The following OTULINL variants were observed in gnomAD, a reference collection of about 807,000 sequenced individuals.
OTULINL encodes OTU deubiquitinase with linear linkage specificity like.
OTULINL carries 42 observed loss-of-function variants against 43.9 expected under a neutral mutation model. That is an observed-to-expected ratio of 0.96 (90% CI 0.75 to 1.24). The LOEUF (loss-of-function observed/expected upper bound fraction) is 1.24. OTULINL is among the 50% of genes most tolerant of loss of function. The pLI, the probability that OTULINL is intolerant of heterozygous loss-of-function variation, is 0.00. For missense variants in OTULINL, 411 were observed against 426.4 expected (o/e 0.96, Z 0.32); for synonymous variants, 172 against 153.6 (o/e 1.12, Z -0.88).
In OTULINL at chr5:14,602,189, G is replaced by A; in HGVS notation, c.355G>A (p.Glu119Lys). 2 of 1,600,642 alleles carry A rather than the reference G, an allele frequency of 1.2e-6. No individual in the cohort carries two copies. Among genetic ancestry groups the A allele is most frequent in the Non-Finnish European group, 1.7e-6 (2 of 1,174,220 alleles). ...TCTCTTTTTATTTTATTAGGCTTAT[G>A]AGGAGCTATTTTGGCGGCATCACAT... ...PRNKLMRKAY[E>K]ELFWRHHIKC... Residue 119 changes from glutamate to lysine, a missense_variant, in exon 5 of 8, where the codon GAG (glutamate) becomes AAG (lysine). Coordinates refer to ENST00000274217, the MANE Select transcript of OTULINL (RefSeq NM_019018.3).
chr5:14,595,121 A>G (rs890056822), intron 1 of OTULINL, among the ~76,000 whole-genome samples: 1 of 152,164 alleles, frequency 6.6e-6, no homozygotes, highest in African/African-American at 2.4e-5. Flanking sequence ...AATTGCCTTT[A>G]TGTCCTCCCA....
chr5:14,601,140 A>G lies in OTULINL; in HGVS notation c.224+16A>G. On this transcript the variant is annotated intron_variant, in intron 2 of 7. Transcript: ENST00000274217. ...AGCTGAAATGGTAGGTCACTGTATC[A>G]TCCTTAAATTTCAAATGTATCTTTA... The G allele has an allele frequency of 6.2e-7, 1 of 1,611,318 alleles. No individual in the cohort carries two copies. The highest frequency in any genetic ancestry group is 8.5e-7 in the Non-Finnish European group (1 of 1,178,914).
intron 1 of OTULINL, among the ~76,000 whole-genome samples, chr5:14,587,572 T>C (rs780751465): frequency 1.2e-4 from 19 of 152,228 alleles, no homozygotes; most frequent in South Asian, 4.1e-4. Context: ...AATATACATG[T>C]TGGGTCCCAC....
chr5:14,610,128 A>T lies in OTULINL; in HGVS notation c.898-13A>T, dbSNP rs771620374. ...AGTGTGTATCTGTGACCTGTCTTTC[A>T]TCTCATCCACAGATTGATATGTTTA... On this transcript the variant is annotated splice_polypyrimidine_tract_variant and intron_variant, in intron 7 of 7. Coordinates refer to ENST00000274217, the MANE Select transcript of OTULINL (RefSeq NM_019018.3). 2.5e-6 allele frequency: 4 copies of T among 1,608,022 alleles called. No individual in the cohort carries two copies. The highest frequency in any genetic ancestry group is 4.5e-5 in the East Asian group (2 of 44,730).
At chr5:14,604,760 G>T (rs2126783010) in intron 5 of OTULINL, among the ~76,000 whole-genome samples, 1 of 152,304 alleles carries the variant, frequency 6.6e-6, no homozygotes, top group African/African-American at 2.4e-5. Context: ...GCTCCAAAAT[G>T]ATCTCCTTCG....
At position 14,612,785 on chromosome 5, in the gene OTULINL, C is replaced by CCTCGT. The variant is rs1394945329; in HGVS notation, c.*2473_*2477dup. The CCTCGT allele has an allele frequency of 1.3e-5, 2 of 152,012 alleles. No individual in the cohort carries two copies. The highest frequency in any genetic ancestry group is 4.8e-5 in the African/African-American group (2 of 41,384). The allele number at this position is 152,012 out of a possible 1,614,324, so 9.4% of individuals were successfully genotyped here. On this transcript the variant is annotated 3_prime_UTR_variant, in exon 8 of 8. Coordinates refer to ENST00000274217, the MANE Select transcript of OTULINL (RefSeq NM_019018.3). ...TATAGCAAAAATGGAAACATAATGCCCTCGTCGTTTTTTGATTTTAGGATA... is the reference window on the plus strand; with the variant it reads ...TATAGCAAAAATGGAAACATAATGCCCTCGTCTCGTCGTTTTTTGATTTTAGGATA...
intron 1 of OTULINL, among the ~76,000 whole-genome samples, chr5:14,600,365 C>T (rs141552123): frequency 1.5e-3 from 229 of 152,326 alleles, no homozygotes; most frequent in Non-Finnish European, 2.7e-3. Flanking sequence ...TACCCAGTCT[C>T]GGGTATGTCT....
At chr5:14,602,956 A>G (rs80277734) in intron 5 of OTULINL, among the ~76,000 whole-genome samples, 6,887 of 152,288 alleles carry the variant, frequency 0.045, 225 homozygotes, top group Non-Finnish European at 0.069. Context: ...TGACCACCCC[A>G]AAGATTCTCT....
At chr5:14,607,978 G>A (rs1442431590) in intron 6 of OTULINL, among the ~76,000 whole-genome samples, 4 of 152,266 alleles carry the variant, frequency 2.6e-5, no homozygotes, top group South Asian at 4.2e-4. Flanking sequence ...AACATCAATA[G>A]TGTATATCCT....
At chr5:14,600,268 T>C (rs963738851) in intron 1 of OTULINL, among the ~76,000 whole-genome samples, 2 of 152,228 alleles carry the variant, frequency 1.3e-5, no homozygotes, top group African/African-American at 4.8e-5. Context: ...ATGTGTTTGC[T>C]TCCCCTTCTG....
At position 14,614,653 on chromosome 5, in the gene OTULINL, A is replaced by G. The variant is rs1759640913; in HGVS notation, c.*4339A>G. 2.5e-6 allele frequency: 1 copy of G among 398,544 alleles called. No individual in the cohort carries two copies. The allele number at this position is 398,544 out of a possible 1,614,324, so 24.7% of individuals were successfully genotyped here. A position where few individuals can be genotyped will look rare whatever the true frequency, so the allele number is the denominator to read the frequency against. ...TATGGTCTGGAGTGCTCTGTAGAAC[A>G]GCCCGAAGTGTACACCATGTCTCTG... On this transcript the variant is annotated 3_prime_UTR_variant, in exon 8 of 8. Transcript: ENST00000274217.
chr5:14,588,523 T>C (rs980852685), intron 1 of OTULINL, among the ~76,000 whole-genome samples: 1 of 152,186 alleles, frequency 6.6e-6, no homozygotes, highest in African/African-American at 2.4e-5. Flanking sequence ...ACATACATAT[T>C]AAAAGTCAGA....
intron 1 of OTULINL, among the ~76,000 whole-genome samples, chr5:14,587,251 C>G (rs1759115485): frequency 6.6e-6 from 1 of 152,188 alleles, no homozygotes; most frequent in Admixed American, 6.5e-5. Flanking sequence ...CTTGTGAACT[C>G]TCTAGAGTTA....
chr5:14,601,164 T>C (rs1759382438), intron 2 of OTULINL, 40 bp downstream of exon 2: 2 of 1,612,046 alleles, frequency 1.2e-6, no homozygotes, highest in South Asian at 1.1e-5. Context: ...AATGTATCTT[T>C]ACTATTCAAA....
In OTULINL at chr5:14,615,246, TC is replaced by T. The variant is rs1406296401; in HGVS notation, c.*4934del. On this transcript the variant is annotated 3_prime_UTR_variant, in exon 8 of 8. Coordinates refer to ENST00000274217, the MANE Select transcript of OTULINL (RefSeq NM_019018.3). The stretch of plus-strand genomic sequence containing the variant: ...GGCCAAACACAAATGGCTGAGACAC[TC>T]CTGGCCCATTTCTTGTCATCGCTGC... Among the ~76,000 whole-genome samples, 6 of 152,292 alleles carry T rather than the reference TC, an allele frequency of 3.9e-5. No homozygotes were observed. Among genetic ancestry groups the T allele is most frequent in the Admixed American group, 2.6e-4 (4 of 15,304 alleles).
At chr5:14,606,541 TAACAA>T (rs1182589512) in intron 5 of OTULINL, among the ~76,000 whole-genome samples, 59 of 152,348 alleles carry the variant, frequency 3.9e-4, no homozygotes, top group African/African-American at 1.4e-3. Flanking sequence ...TATTTAATCC[TAACAA>T]GAGTCCTATA....
intron 1 of OTULINL, among the ~76,000 whole-genome samples, chr5:14,583,209 C>T (rs1284846130): frequency 2.0e-5 from 3 of 152,230 alleles, no homozygotes; most frequent in African/African-American, 7.2e-5. Flanking sequence ...CAGAGGACAT[C>T]ATTCTGATGT....
intron 5 of OTULINL, among the ~76,000 whole-genome samples, chr5:14,604,838 C>T (rs1029626135): frequency 2.0e-4 from 30 of 152,230 alleles, no homozygotes; most frequent in Non-Finnish European, 3.8e-4. Flanking sequence ...CAGCTCCGCC[C>T]CTGTGGCTTT....
Position 14,608,893 on chromosome 5 carries a change from T to C in OTULINL, c.773T>C (p.Met258Thr), listed in dbSNP as rs1171349245. The change falls in exon 7 of 8, where the codon ATG becomes ACG. Residue 258 changes from methionine to threonine, a missense_variant. By Grantham distance (81) the Met-to-Thr change is moderately conservative. Transcript: ENST00000274217. ...LYQVTEVYEQ[M>T]KTKKVIPSLF... Reference sequence around the variant, plus strand: ...CAAGTCACTGAAGTTTATGAACAAATGAAGACTAAAAAGGTCATTCCCAGT... The same window carrying C: ...CAAGTCACTGAAGTTTATGAACAAACGAAGACTAAAAAGGTCATTCCCAGT... The C allele has an allele frequency of 6.2e-7, 1 of 1,614,162 alleles. No homozygotes were observed. Among genetic ancestry groups the C allele is most frequent in the Non-Finnish European group, 8.5e-7 (1 of 1,180,016 alleles).
Sources: gnomAD v4.1 joint callset for allele counts (sites outside exome capture counted in the v4.1 genomes callset) on GRCh38, gnomAD v4.1.1 for gene constraint, MANE v1.5 for transcripts, NCBI Gene and HGNC (gene_info 2026-07-23, HGNC 2026-07-21) for gene names.